The following TM9SF4 variants were observed in gnomAD, a reference collection of about 807,000 sequenced individuals.
TM9SF4 encodes the protein transmembrane 9 superfamily member 4.
TM9SF4 carries 26 observed loss-of-function variants against 90.4 expected under a neutral mutation model. The ratio of observed to expected loss-of-function variants is 0.29; its 90% confidence interval spans 0.21 to 0.40. The LOEUF (loss-of-function observed/expected upper bound fraction) is 0.40, where lower values mean the gene tolerates loss of function less well. TM9SF4 is among the 10% of genes least tolerant of loss of function. TM9SF4 has a pLI of 1.00. For synonymous variants in TM9SF4, 293 were observed against 315.4 expected (o/e 0.93, Z 0.75); for missense variants, 549 against 834.8 (o/e 0.66, Z 4.22).
rs372323310 is a variant in TM9SF4 at position 32,117,474 on chromosome 20, G to A, written c.15+7719G>A. On this transcript the variant is annotated intron_variant, in intron 1 of 17. Coordinates refer to ENST00000398022, the MANE Select transcript of TM9SF4 (RefSeq NM_014742.4). ...ATGCAAGTGAATGAAATAATTTTTC[G>A]TTCTCAGGGAAACTTCCTGTTTTCT... 6.4e-4 allele frequency among the ~76,000 whole-genome samples: 97 copies of A among 152,222 alleles called. 2 individuals are homozygous for A. In the Middle Eastern group the frequency reaches 0.01, roughly 16 times the overall value.
intron 12 of TM9SF4, among the ~76,000 whole-genome samples, chr20:32,152,505 G>A (rs185755345): frequency 3.0e-4 from 45 of 151,936 alleles, no homozygotes; most frequent in Admixed American, 1.4e-3. Context: ...TGAATGTTCC[G>A]TGAATTCCAC....
chr20:32,113,327 G>A (rs1333881716), intron 1 of TM9SF4, among the ~76,000 whole-genome samples: 1 of 152,130 alleles, frequency 6.6e-6, no homozygotes, highest in Non-Finnish European at 1.5e-5. Flanking sequence ...TCCTGAACCC[G>A]CAGGGCAAGA....
chr20:32,116,873 T>C (rs1311932254), intron 1 of TM9SF4, among the ~76,000 whole-genome samples: 18 of 64,416 alleles, frequency 2.8e-4, no homozygotes, highest in Admixed American at 1.6e-3. Context: ...TTTTTTTTTT[T>C]TTTTTTTTTT....
chr20:32,121,031 A>AT (rs2046297774), intron 1 of TM9SF4, among the ~76,000 whole-genome samples: 1 of 151,982 alleles, frequency 6.6e-6, no homozygotes, highest in African/African-American at 2.4e-5. Context: ...TTTGTTAAGA[A>AT]TTTTTTCATC....
intron 1 of TM9SF4, among the ~76,000 whole-genome samples, chr20:32,114,548 G>A (rs1354419876): frequency 1.3e-5 from 2 of 152,162 alleles, no homozygotes; most frequent in Non-Finnish European, 2.9e-5. Flanking sequence ...GCCCAGGCTA[G>A]CCTTGAACTC....
At chr20:32,120,859 T>C (rs147900576) in intron 1 of TM9SF4, among the ~76,000 whole-genome samples, 144 of 152,348 alleles carry the variant, frequency 9.5e-4, no homozygotes, top group African/African-American at 3.0e-3. Flanking sequence ...ATGTTGGATT[T>C]TGTCAACAGC....
rs755684712 is a variant in TM9SF4, at chr20:32,141,576, G to A, written c.309G>A (p.Leu103=). The part of the protein sequence containing the change: ...LMNSEKKCEV[L]CSQSNKPVTL... ...ACAGCGAGAAGAAGTGTGAAGTTCT[G>A]TGCAGCCAGTCCAACAAGCCAGTGA... The change falls in exon 4 of 18, where the codon CTG becomes CTA. Residue 103 remains leucine (L), a synonymous_variant. Coordinates refer to ENST00000398022, the MANE Select transcript of TM9SF4 (RefSeq NM_014742.4). The A allele has an allele frequency of 3.1e-6, 5 of 1,614,124 alleles. No homozygotes were observed. Among genetic ancestry groups the A allele is most frequent in the Middle Eastern group, 1.6e-4 (1 of 6,062 alleles).
chr20:32,165,957 C>G lies in TM9SF4; in HGVS notation c.*513C>G, dbSNP rs761970256. ...ACTGAGGCCACGACAAAGCACAGCT[C>G]CAGCTCGGACAGCACCCTCAGTGCC... On this transcript the variant is annotated 3_prime_UTR_variant, in exon 18 of 18. Coordinates refer to ENST00000398022, the MANE Select transcript of TM9SF4 (RefSeq NM_014742.4). The G allele has an allele frequency of 2.0e-4, 32 of 156,362 alleles. No individual in the cohort carries two copies. Among genetic ancestry groups the G allele is most frequent in the Admixed American group, 3.8e-4 (6 of 15,792 alleles). 9.7% of individuals were successfully genotyped at this position (156,362 alleles called of 1,614,324 possible).
In TM9SF4 at chr20:32,113,239, T is replaced by A. The variant is rs1358912589; in HGVS notation, c.15+3484T>A. 2.6e-5 allele frequency among the ~76,000 whole-genome samples: 4 copies of A among 152,186 alleles called. No homozygotes were observed. The East Asian group carries it at 7.7e-4, about 29-fold the overall frequency. On this transcript the variant is annotated intron_variant, in intron 1 of 17. Transcript: ENST00000398022. Reference sequence around the variant, plus strand: ...TGGCATGTGAGCTTTTCCCTTTCTCTCTTTCCTTGGTGAATGGCTCTTCTT... The same window carrying A: ...TGGCATGTGAGCTTTTCCCTTTCTCACTTTCCTTGGTGAATGGCTCTTCTT...
chr20:32,149,877 A>G, intron 10 of TM9SF4, 111 bp downstream of exon 10: 1 of 1,456,870 alleles, frequency 6.9e-7, no homozygotes, highest in South Asian at 1.3e-5. Flanking sequence ...AGCTCCTGGC[A>G]CCAAGTGGGC....
At chr20:32,163,019 G>A (rs1033020061) in intron 17 of TM9SF4, among the ~76,000 whole-genome samples, 10 of 152,096 alleles carry the variant, frequency 6.6e-5, no homozygotes, top group Admixed American at 3.9e-4. Flanking sequence ...AGGCCGAGGA[G>A]GGTGGATCAC....
intron 1 of TM9SF4, among the ~76,000 whole-genome samples, chr20:32,127,496 A>G (rs1204989562): frequency 6.6e-6 from 1 of 152,166 alleles, no homozygotes; most frequent in Admixed American, 6.6e-5. Context: ...AGTGCCTAGC[A>G]GGGCGCAGGG....
intron 17 of TM9SF4, among the ~76,000 whole-genome samples, chr20:32,162,123 G>A (rs943460409): frequency 2.0e-5 from 3 of 152,156 alleles, no homozygotes; most frequent in Non-Finnish European, 4.4e-5. Flanking sequence ...ATTTGGAGGA[G>A]CCCTGTTGGG....
At chr20:32,152,433 T>C (rs2046856614) in intron 12 of TM9SF4, among the ~76,000 whole-genome samples, 1 of 151,154 alleles carries the variant, frequency 6.6e-6, no homozygotes, top group South Asian at 2.1e-4. Context: ...ATCCTCCTCC[T>C]TCCTCATGCC....
rs917355698 is a variant in TM9SF4 at position 32,141,409 on chromosome 20, G to A, written c.230-88G>A. The A allele has an allele frequency of 3.3e-6, 5 of 1,497,298 alleles. No homozygotes were observed. The African/African-American group carries it at 6.9e-5, about 21-fold the overall frequency. 92.8% of individuals were successfully genotyped at this position (1,497,298 alleles called of 1,614,324 possible). A position where few individuals can be genotyped will look rare whatever the true frequency, so the allele number is the denominator to read the frequency against. Reference sequence around the variant, plus strand: ...CTGAAGTCCTTGAAAGCCCATGTTTGCCCCGCAGTCCTGTGTCTCTGTGAC... The same window carrying A: ...CTGAAGTCCTTGAAAGCCCATGTTTACCCCGCAGTCCTGTGTCTCTGTGAC... On this transcript the variant is annotated intron_variant, in intron 3 of 17. Coordinates refer to ENST00000398022, the MANE Select transcript of TM9SF4 (RefSeq NM_014742.4).
At chr20:32,150,755 A>C in intron 11 of TM9SF4, 45 bp from the exon 12 acceptor site, 1 of 1,614,136 alleles carries the variant, frequency 6.2e-7, no homozygotes, top group Non-Finnish European at 8.5e-7. Context: ...CCTCCACACC[A>C]GCTAATGGGT....
At chr20:32,110,210 C>G (rs1271568313) in intron 1 of TM9SF4, among the ~76,000 whole-genome samples, 4 of 152,132 alleles carry the variant, frequency 2.6e-5, no homozygotes, top group Admixed American at 1.3e-4. Context: ...CCTCCCAGCC[C>G]AAGCGCTGCC....
chr20:32,113,720 T>C (rs2046181310), intron 1 of TM9SF4, among the ~76,000 whole-genome samples: 1 of 152,218 alleles, frequency 6.6e-6, no homozygotes, highest in Non-Finnish European at 1.5e-5. Context: ...TAGTGGGTTT[T>C]AGTGTTTTTA....
In TM9SF4 at chr20:32,165,284, C is replaced by T. The variant is rs759040790; in HGVS notation, c.1780-11C>T. ...GCATGCACCCTGTCTTCTTTCTGCT[C>T]GTGGCCGCAGCTGGACATCGTGGAG... On this transcript the variant is annotated splice_polypyrimidine_tract_variant and intron_variant, in intron 17 of 17. Transcript: ENST00000398022. The T allele has an allele frequency of 6.8e-6, 11 of 1,613,876 alleles. No individual in the cohort carries two copies. Among genetic ancestry groups the T allele is most frequent in the Middle Eastern group, 1.7e-4 (1 of 6,036 alleles).
Sources: allele counts gnomAD v4.1 joint callset (sites outside exome capture counted in the v4.1 genomes callset), GRCh38; gene constraint gnomAD v4.1.1; transcripts MANE v1.5; gene names NCBI Gene and HGNC (gene_info 2026-07-23, HGNC 2026-07-21).